SPOCK1: variants seen among roughly 807,000 people sequenced by gnomAD.
SPOCK1 encodes the protein testican-1.
SPOCK1 carries 23 observed loss-of-function variants against 55.3 expected under a neutral mutation model. That is an observed-to-expected ratio of 0.42 (90% CI 0.30 to 0.59). The LOEUF (loss-of-function observed/expected upper bound fraction) is 0.59, where lower values mean the gene tolerates loss of function less well. Among genes scored for constraint, SPOCK1 ranks in the 20% least tolerant of loss-of-function variants. The pLI is 0.22. For missense variants in SPOCK1, 499 were observed against 552.5 expected, an observed-to-expected ratio of 0.90 and a Z score of 0.97; for synonymous variants, 226 against 221.0, an observed-to-expected ratio of 1.02 and a Z score of -0.20.
intron 6 of SPOCK1, among the ~76,000 whole-genome samples, chr5:136,995,432 C>T (rs1751022195): frequency 6.6e-6 from 1 of 152,156 alleles, no homozygotes; most frequent in Non-Finnish European, 1.5e-5. Context: ...TTATTGGATC[C>T]AACTCAGAAC....
chr5:137,223,720 T>C (rs2127089172), intron 3 of SPOCK1, among the ~76,000 whole-genome samples: 1 of 152,204 alleles, frequency 6.6e-6, no homozygotes, highest in South Asian at 2.1e-4. Flanking sequence ...ACATGTAAGG[T>C]TGTACAAGCA....
intron 2 of SPOCK1, among the ~76,000 whole-genome samples, chr5:137,469,240 A>C (rs748232403): frequency 5.3e-5 from 8 of 152,214 alleles, no homozygotes; most frequent in Non-Finnish European, 1.0e-4. Flanking sequence ...TTAGGATTTC[A>C]TTGCTTGCCC....
At chr5:137,365,797 A>C (rs754487588) in intron 2 of SPOCK1, among the ~76,000 whole-genome samples, 1 of 152,236 alleles carries the variant, frequency 6.6e-6, no homozygotes, top group African/African-American at 2.4e-5. Flanking sequence ...TAGAAAAGTT[A>C]CTATATTTTT....
chr5:137,422,237 T>A (rs1752515174), intron 2 of SPOCK1, among the ~76,000 whole-genome samples: 1 of 152,232 alleles, frequency 6.6e-6, no homozygotes, highest in Non-Finnish European at 1.5e-5. Context: ...TCATTTCAAC[T>A]TTGGTGAATC....
At chr5:137,181,823 G>T (rs978221023) in intron 3 of SPOCK1, among the ~76,000 whole-genome samples, 12 of 152,216 alleles carry the variant, frequency 7.9e-5, no homozygotes, top group African/African-American at 2.9e-4. Context: ...GCAGATGCCT[G>T]CCTGGGAAAT....
At chr5:137,134,752 G>T (rs1454534979) in intron 4 of SPOCK1, among the ~76,000 whole-genome samples, 1 of 152,234 alleles carries the variant, frequency 6.6e-6, no homozygotes, top group East Asian at 1.9e-4. Context: ...CCTGTAGCAG[G>T]AGGCAGTGCT....
At chr5:137,385,855 T>C (rs576588253) in intron 2 of SPOCK1, among the ~76,000 whole-genome samples, 1 of 152,346 alleles carries the variant, frequency 6.6e-6, no homozygotes, top group South Asian at 2.1e-4. Flanking sequence ...ACTTTTTCTG[T>C]CAAGGGCCAG....
chr5:137,005,525 G>A (rs1184116932), intron 6 of SPOCK1, among the ~76,000 whole-genome samples: 1 of 151,990 alleles, frequency 6.6e-6, no homozygotes, highest in Admixed American at 6.6e-5. Flanking sequence ...TGTAAAGAAA[G>A]ACAACAAAGC....
intron 3 of SPOCK1, among the ~76,000 whole-genome samples, chr5:137,167,954 G>A (rs1754679865): frequency 6.6e-6 from 1 of 151,762 alleles, no homozygotes. Flanking sequence ...AAACTTACTA[G>A]AAGAAAAGAA....
chr5:137,024,315 G>GGCGGA (rs757163501), intron 6 of SPOCK1, among the ~76,000 whole-genome samples: 8 of 8,334 alleles, frequency 9.6e-4, no homozygotes, highest in Middle Eastern at 0.17. Context: ...CCAGTTTGAA[G>GGCGGA]GGGGGGGGGT....
intron 6 of SPOCK1, among the ~76,000 whole-genome samples, chr5:137,060,012 A>G (rs533760355): frequency 5.3e-5 from 8 of 152,360 alleles, no homozygotes; most frequent in Admixed American, 2.0e-4. Flanking sequence ...ACTGTAAATT[A>G]GTTCAGCCAC....
At chr5:136,991,966 T>C (rs1038058710) in intron 7 of SPOCK1, among the ~76,000 whole-genome samples, 2 of 152,224 alleles carry the variant, frequency 1.3e-5, no homozygotes, top group Non-Finnish European at 2.9e-5. Context: ...AGTCTGACTA[T>C]TGTACAAAAA....
At chr5:137,210,413 G>A (rs1755590086) in intron 3 of SPOCK1, among the ~76,000 whole-genome samples, 2 of 152,138 alleles carry the variant, frequency 1.3e-5, no homozygotes, top group Non-Finnish European at 2.9e-5. Flanking sequence ...CTTAGTCTTT[G>A]GAGAACTAAG....
At chr5:137,002,677 A>G (rs1253755698) in intron 6 of SPOCK1, among the ~76,000 whole-genome samples, 2 of 152,186 alleles carry the variant, frequency 1.3e-5, no homozygotes, top group African/African-American at 4.8e-5. Context: ...ACTAATAAAG[A>G]CTAAGCTGCA....
At chr5:137,280,734 G>C (rs1342408797) in intron 2 of SPOCK1, among the ~76,000 whole-genome samples, 1 of 152,186 alleles carries the variant, frequency 6.6e-6, no homozygotes, top group African/African-American at 2.4e-5. Flanking sequence ...TCTCTTGCAA[G>C]TCGAAGACTC....
At chr5:137,361,276 T>C (rs975224968) in intron 2 of SPOCK1, among the ~76,000 whole-genome samples, 1 of 152,228 alleles carries the variant, frequency 6.6e-6, no homozygotes. Context: ...TATTTTGTTA[T>C]AGCAGCCTGA....
At chr5:137,346,507 G>A (rs1167513566) in intron 2 of SPOCK1, among the ~76,000 whole-genome samples, 3 of 152,170 alleles carry the variant, frequency 2.0e-5, no homozygotes, top group African/African-American at 7.2e-5. Flanking sequence ...GATTAACATT[G>A]AGCTGTGAAT....
intron 6 of SPOCK1, among the ~76,000 whole-genome samples, chr5:137,042,072 G>C (rs548814862): frequency 1.3e-5 from 2 of 152,164 alleles, no homozygotes; most frequent in Non-Finnish European, 2.9e-5. Context: ...TATGTGAATG[G>C]ATAAACAAAC....
At position 137,112,458 on chromosome 5, in the gene SPOCK1, C is replaced by T; in HGVS notation, c.451G>A (p.Asp151Asn). 1 of 1,613,830 alleles carries T rather than the reference C, an allele frequency of 6.2e-7. No individual in the cohort carries two copies. Among genetic ancestry groups the T allele is most frequent in the Non-Finnish European group, 8.5e-7 (1 of 1,179,936 alleles). The change falls in exon 5 of 11, where the codon GAT (aspartate) becomes AAT (asparagine). Residue 151 changes from aspartate (D) to asparagine (N), a missense_variant. Transcript: ENST00000394945. ...VAQSAMVCGS[D>N]GHSYTSKCKL... is the part of the protein sequence containing the mutation. ...ACCTTGGATGTGTAGGAGTGGCCAT[C>T]TGAGCCGCAGACCATGGCTGACTGT...
Sources: allele counts gnomAD v4.1 joint callset (sites outside exome capture counted in the v4.1 genomes callset), GRCh38; gene constraint gnomAD v4.1.1; transcripts MANE v1.5; gene names NCBI Gene and HGNC (gene_info 2026-07-23, HGNC 2026-07-21).